The following DIAPH2 variants were observed in gnomAD, a reference collection of about 807,000 sequenced individuals.
The protein encoded by DIAPH2 is diaphanous related formin 2.
DIAPH2 carries 35 observed loss-of-function variants against 92.7 expected under a neutral mutation model. The ratio of observed to expected loss-of-function variants is 0.38; its 90% CI spans 0.29 to 0.50. The LOEUF (loss-of-function observed/expected upper bound fraction) is 0.50, where lower values mean the gene tolerates loss of function less well. Among genes scored for constraint, DIAPH2 ranks in the 20% least tolerant of loss-of-function variants. DIAPH2 has a pLI of 0.94. For synonymous variants in DIAPH2, 301 were observed against 280.4 expected (o/e 1.07, Z -0.73); for missense variants, 701 against 819.5 (o/e 0.86, Z 1.77).
intron 5 of DIAPH2, chrX:96,884,241 A>G (rs892529848): frequency 1.0e-6 from 1 of 979,704 alleles, no homozygotes; most frequent in African/African-American, 2.0e-5. Context: ...TCTGTGGAGA[A>G]CTCAAAGCCG....
At chrX:97,345,814 C>T (rs2069151742) in intron 23 of DIAPH2, among the ~76,000 whole-genome samples, 1 of 111,355 alleles carries the variant, frequency 9.0e-6, no homozygotes, top group African/African-American at 3.3e-5. Context: ...CTATGACAAT[C>T]AAAAGTTACT....
intron 3 of DIAPH2, among the ~76,000 whole-genome samples, chrX:96,756,970 T>G (rs745693566): frequency 1.2e-3 from 111 of 95,008 alleles, no homozygotes; most frequent in African/African-American, 4.3e-3. Flanking sequence ...CAGGCTGGAG[T>G]GCAGTGGTGT....
At chrX:97,080,286 TCTTC>T (rs1257120930) in intron 19 of DIAPH2, among the ~76,000 whole-genome samples, 3 of 108,001 alleles carry the variant, frequency 2.8e-5, no homozygotes, top group Non-Finnish European at 5.8e-5. Context: ...TCCCTTCTTT[TCTTC>T]CTTCCTTCCT....
intron 26 of DIAPH2, among the ~76,000 whole-genome samples, chrX:97,436,775 C>T (rs1342829996): frequency 9.0e-6 from 1 of 111,655 alleles, no homozygotes; most frequent in Non-Finnish European, 1.9e-5. Flanking sequence ...ACCACCGTTC[C>T]TCCACCTCTG....
chrX:97,302,006 A>T (rs2068710365), intron 23 of DIAPH2, among the ~76,000 whole-genome samples: 1 of 104,949 alleles, frequency 9.5e-6, no homozygotes, highest in Non-Finnish European at 1.9e-5. Flanking sequence ...CAAGGTCAAG[A>T]GATCGAGAAC....
chrX:97,407,339 TTTATGA>T (rs1488229378), intron 25 of DIAPH2, among the ~76,000 whole-genome samples: 1 of 112,048 alleles, frequency 8.9e-6, no homozygotes, highest in Non-Finnish European at 1.9e-5. Context: ...AATAATTCTC[TTTATGA>T]TTATTATTAC....
intron 4 of DIAPH2, among the ~76,000 whole-genome samples, chrX:96,848,788 G>C (rs751576463): frequency 1.2e-4 from 13 of 112,158 alleles, no homozygotes; most frequent in Non-Finnish European, 9.4e-5. Flanking sequence ...GTATGAAATT[G>C]AGGAGGATCA....
Position 97,169,373 on chromosome X carries a change from G to A in DIAPH2, c.2719+27579G>A, listed in dbSNP as rs771094475. Among the ~76,000 whole-genome samples the A allele has an allele frequency of 4.5e-5, 5 of 111,580 alleles. No individual in the cohort carries two copies. The South Asian group carries it at 1.9e-3, about 43-fold the overall frequency. On this transcript the variant is annotated intron_variant, in intron 22 of 26. Coordinates refer to ENST00000324765, the MANE Select transcript of DIAPH2 (RefSeq NM_006729.5). ...CTTTGAGATGGTAAGGCGATGGAAA[G>A]TTTTGAGAAAAGAAATGGCAGGTTT...
chrX:97,511,760 A>G (rs1451890338), intron 26 of DIAPH2, among the ~76,000 whole-genome samples: 1 of 111,086 alleles, frequency 9.0e-6, no homozygotes, highest in African/African-American at 3.3e-5. Flanking sequence ...GCATCTATTG[A>G]GATAATCATG....
chrX:97,486,072 T>C (rs1286213165), intron 26 of DIAPH2, among the ~76,000 whole-genome samples: 2 of 110,780 alleles, frequency 1.8e-5, no homozygotes, highest in African/African-American at 6.5e-5. Flanking sequence ...GAGATCAGCA[T>C]TTCTTTTCAA....
intron 21 of DIAPH2, among the ~76,000 whole-genome samples, chrX:97,117,038 G>A (rs1307657068): frequency 9.0e-6 from 1 of 111,473 alleles, no homozygotes; most frequent in African/African-American, 3.3e-5. Context: ...TAATCTTGCG[G>A]GAAATACTAT....
At chrX:97,394,256 T>G (rs1378686477) in intron 25 of DIAPH2, among the ~76,000 whole-genome samples, 1 of 111,757 alleles carries the variant, frequency 8.9e-6, no homozygotes, top group Non-Finnish European at 1.9e-5. Flanking sequence ...ATATCGGTAC[T>G]ATCGTTCCGG....
intron 24 of DIAPH2, among the ~76,000 whole-genome samples, chrX:97,356,039 G>C: frequency 8.9e-6 from 1 of 111,957 alleles, no homozygotes; most frequent in Non-Finnish European, 1.9e-5. Flanking sequence ...TGTGGGCCAA[G>C]GGTACAGTTT....
intron 22 of DIAPH2, among the ~76,000 whole-genome samples, chrX:97,225,430 A>G (rs1444609777): frequency 1.8e-5 from 2 of 111,673 alleles, no homozygotes; most frequent in African/African-American, 6.5e-5. Context: ...TACATCAAAA[A>G]GGGTAGCAAG....
intron 4 of DIAPH2, among the ~76,000 whole-genome samples, chrX:96,786,035 A>G (rs1002189030): frequency 2.7e-5 from 3 of 111,802 alleles, no homozygotes; most frequent in African/African-American, 9.8e-5. Context: ...GGGAACAAGT[A>G]GATGAGTAGG....
chrX:97,290,659 G>A (rs1291306527), intron 23 of DIAPH2, among the ~76,000 whole-genome samples: 2 of 112,411 alleles, frequency 1.8e-5, no homozygotes, highest in African/African-American at 3.2e-5. Context: ...ATATCCTGAG[G>A]GTGATGTGGG....
chrX:96,898,078 G>C, intron 5 of DIAPH2, among the ~76,000 whole-genome samples: 1 of 91,919 alleles, frequency 1.1e-5, no homozygotes, highest in Non-Finnish European at 2.2e-5. Flanking sequence ...TGGCTGCATA[G>C]TATTCCATGG....
chrX:96,993,879 G>A (rs1394299628), intron 17 of DIAPH2, among the ~76,000 whole-genome samples: 1 of 111,498 alleles, frequency 9.0e-6, no homozygotes, highest in African/African-American at 3.3e-5. Context: ...AAACAGAAGG[G>A]TCTTCAGGGC....
At chrX:96,698,546 G>C (rs1029913168) in intron 1 of DIAPH2, among the ~76,000 whole-genome samples, 2 of 110,731 alleles carry the variant, frequency 1.8e-5, no homozygotes, top group Admixed American at 1.9e-4. Context: ...TTAAGTGCCA[G>C]ACAATATGGA....
Sources: allele counts gnomAD v4.1 joint callset (sites outside exome capture counted in the v4.1 genomes callset), GRCh38; gene constraint gnomAD v4.1.1; transcripts MANE v1.5; gene names NCBI Gene and HGNC (gene_info 2026-07-23, HGNC 2026-07-21).